Variants in MOB2 observed in about 807,000 individuals in gnomAD.
MOB2 encodes the protein MOB2 Mps One Binder homolog.
Under a neutral mutation model 27.4 loss-of-function variants are expected in MOB2, and 14 were observed. That is an observed-to-expected ratio of 0.51 (90% CI 0.34 to 0.80). MOB2 has a LOEUF of 0.80. Among genes scored for constraint, MOB2 ranks in the 30% least tolerant of loss-of-function variants. The probability of loss-of-function intolerance (pLI) is 0.01; values close to 1 mark genes in which losing one functional copy is unlikely to be tolerated. For synonymous variants in MOB2, 167 were observed against 151.8 expected (o/e 1.10, Z -0.74); for missense variants, 304 against 354.6 (o/e 0.86, Z 1.15).
At chr11:1,483,503 C>A (rs1847938622) in intron 1 of MOB2, among the ~76,000 whole-genome samples, 2 of 152,196 alleles carry the variant, frequency 1.3e-5, no homozygotes, top group South Asian at 4.1e-4. Flanking sequence ...CTGGCAGGCA[C>A]CATGCACTTA....
chr11:1,469,952 G>C lies in MOB2; in HGVS notation c.*220C>G. On this transcript the variant is annotated 3_prime_UTR_variant, in exon 5 of 5. Transcript: ENST00000329957. ...TGCTGAACGAGTGAATGGGCCCAAA[G>C]GCTCTTCTCTACAAACGGCACGCAT... The C allele has an allele frequency of 1.8e-6, 2 of 1,126,442 alleles. No homozygotes were observed. Among genetic ancestry groups the C allele is most frequent in the Non-Finnish European group, 2.6e-6 (2 of 773,860 alleles). The allele number at this position is 1,126,442 out of a possible 1,614,324, so 69.8% of individuals were successfully genotyped here. A position where few individuals can be genotyped will look rare whatever the true frequency, so the allele number is the denominator to read the frequency against.
At chr11:1,473,900 C>T (rs930828225) in intron 3 of MOB2, among the ~76,000 whole-genome samples, 3 of 152,266 alleles carry the variant, frequency 2.0e-5, no homozygotes, top group African/African-American at 7.2e-5. Flanking sequence ...GAAGGAATCG[C>T]ACCGCGCGGA....
At chr11:1,472,466 G>A (rs1847804637) in intron 3 of MOB2, 1 of 152,616 alleles carries the variant, frequency 6.6e-6, no homozygotes, top group Admixed American at 6.5e-5. Context: ...ACTGGCCACT[G>A]AGCAAACGCC....
In MOB2 at chr11:1,480,987, C is replaced by T. The variant is rs150568274; in HGVS notation, c.111-102G>A. On this transcript the variant is annotated intron_variant, in intron 1 of 4. Coordinates refer to ENST00000329957, the MANE Select transcript of MOB2 (RefSeq NM_001172223.3). ...CAGCGCAGGTGTAGAGGGAGCTGCC[C>T]GAGCCCATCGGGGCGACACTGCCTC... The T allele has an allele frequency of 2.6e-4, 370 of 1,419,216 alleles. 1 individual carries two copies. The highest frequency in any genetic ancestry group is 3.3e-4 in the Non-Finnish European group (347 of 1,051,200). 87.9% of individuals were successfully genotyped at this position (1,419,216 alleles called of 1,614,324 possible).
rs1161471878 is a variant in MOB2, at chr11:1,469,920, G to A, written c.*252C>T. ...AGAAAACTCAAAGCATCAGTCCCAT[G>A]CGTGTCTGCTGAACGAGTGAATGGG... is the stretch of plus-strand genomic sequence containing the variant. On this transcript the variant is annotated 3_prime_UTR_variant, in exon 5 of 5. Transcript: ENST00000329957. 1.2e-6 allele frequency: 1 copy of A among 840,848 alleles called. No homozygotes were observed. The highest frequency in any genetic ancestry group is 1.9e-6 in the Non-Finnish European group (1 of 514,258). The allele number at this position is 840,848 out of a possible 1,614,324, so 52.1% of individuals were successfully genotyped here.
In MOB2 at chr11:1,471,272, G is replaced by A. The variant is rs537155500; in HGVS notation, c.490+23C>T. ...TCCCTGCCCCACTGTGAGGATGACC[G>A]CCCAGTGCTGGGGGAGACGAACCGT... On this transcript the variant is annotated intron_variant, in intron 4 of 4. Transcript: ENST00000329957. 4.9e-5 allele frequency: 78 copies of A among 1,602,798 alleles called. 1 individual carries two copies. The South Asian group carries it at 7.5e-4, about 15-fold the overall frequency.
Position 1,471,398 on chromosome 11 carries a change from C to T in MOB2, c.387G>A (p.Glu129=), listed in dbSNP as rs1847788892. 1.2e-6 allele frequency: 2 copies of T among 1,613,122 alleles called. No homozygotes were observed. The highest frequency in any genetic ancestry group is 1.7e-6 in the Non-Finnish European group (2 of 1,179,594). ...VCNTQYYWYD[E]RGKKVKCTAP... ...CCGTGCACTTGACCTTCTTCCCCCGCTCGTCATACCAGTAGTACTGTCTGT... is the reference window on the plus strand; with the variant it reads ...CCGTGCACTTGACCTTCTTCCCCCGTTCGTCATACCAGTAGTACTGTCTGT... The change falls in exon 4 of 5, where the codon GAG becomes GAA. Residue 129 remains glutamate (E), a synonymous_variant. Transcript: ENST00000329957.
intron 3 of MOB2, among the ~76,000 whole-genome samples, chr11:1,478,175 G>A (rs963563441): frequency 1.4e-5 from 2 of 145,174 alleles, no homozygotes; most frequent in Non-Finnish European, 2.9e-5. Context: ...CCCCACAGCC[G>A]CCACAGCCCC....
intron 3 of MOB2, among the ~76,000 whole-genome samples, chr11:1,476,231 A>G (rs1847851199): frequency 6.6e-6 from 1 of 152,248 alleles, no homozygotes; most frequent in African/African-American, 2.4e-5. Context: ...ACTGTAGATA[A>G]GGGGGGCTTA....
chr11:1,470,376 C>A lies in MOB2; in HGVS notation c.603G>T (p.Glu201Asp), dbSNP rs866493922. The A allele has an allele frequency of 3.7e-6, 6 of 1,613,588 alleles. No individual in the cohort carries two copies. In the African/African-American group the frequency reaches 8.0e-5, roughly 22 times the overall value. Residue 201 changes from glutamate to aspartate, a missense_variant, in exon 5 of 5, where the codon GAG becomes GAT. By Grantham distance (45) the Glu-to-Asp change is conservative. Coordinates refer to ENST00000329957, the MANE Select transcript of MOB2 (RefSeq NM_001172223.3). ...WAHFKETLAL[E>D]LHGHLNTLYV... Reference sequence around the variant, plus strand: ...AGAGCGTGTTCAAGTGTCCGTGCAGCTCCAGGGCCAGCGTCTCCTTGAAGT... The same window carrying A: ...AGAGCGTGTTCAAGTGTCCGTGCAGATCCAGGGCCAGCGTCTCCTTGAAGT...
intron 1 of MOB2, among the ~76,000 whole-genome samples, chr11:1,482,461 C>A (rs775173127): frequency 1.1e-4 from 16 of 152,230 alleles, no homozygotes; most frequent in Non-Finnish European, 1.3e-4. Flanking sequence ...GGAGACCTGG[C>A]TTCCCTCTCC....
chr11:1,486,280 G>GC (rs1847968789), intron 1 of MOB2, among the ~76,000 whole-genome samples, 167 bp downstream of exon 1: 1 of 152,232 alleles, frequency 6.6e-6, no homozygotes. Context: ...GCCCTGGACA[G>GC]CTTGCGTGTG....
chr11:1,475,492 G>C (rs1456269586), intron 3 of MOB2, among the ~76,000 whole-genome samples: 2 of 152,194 alleles, frequency 1.3e-5, no homozygotes, highest in South Asian at 2.1e-4. Flanking sequence ...GACTGAGATA[G>C]GGTCTCGCTG....
intron 3 of MOB2, 126 bp from the exon 4 acceptor site, chr11:1,471,545 T>G (rs1590761285): frequency 1.2e-5 from 14 of 1,204,640 alleles, no homozygotes; most frequent in Non-Finnish European, 1.6e-5. Flanking sequence ...CAGACCCAGG[T>G]GTCTCCCTCC....
At chr11:1,471,209 C>T in intron 4 of MOB2, 86 bp downstream of exon 4, 1 of 1,495,372 alleles carries the variant, frequency 6.7e-7, no homozygotes, top group East Asian at 2.4e-5. Context: ...CCCCTCCCGG[C>T]ACAGGAGCTT....
chr11:1,471,007 G>A (rs559965526), intron 4 of MOB2, among the ~76,000 whole-genome samples: 10 of 152,378 alleles, frequency 6.6e-5, no homozygotes, highest in Admixed American at 5.2e-4. Flanking sequence ...CAAGCTGGAC[G>A]GTGAGAGCAG....
chr11:1,471,503 G>T, intron 3 of MOB2, 84 bp from the exon 4 acceptor site: 1 of 1,521,254 alleles, frequency 6.6e-7, no homozygotes, highest in Non-Finnish European at 8.9e-7. Context: ...GGTCATCTGC[G>T]GGCAGAGGTG....
At chr11:1,470,806 C>A (rs201587264) in intron 4 of MOB2, among the ~76,000 whole-genome samples, 1 of 80,976 alleles carries the variant, frequency 1.2e-5, no homozygotes, top group East Asian at 1.4e-3. Flanking sequence ...GGCACTCGGG[C>A]CCCCGTGGTG....
At chr11:1,482,587 G>A (rs955856049) in intron 1 of MOB2, among the ~76,000 whole-genome samples, 11 of 152,314 alleles carry the variant, frequency 7.2e-5, no homozygotes, top group South Asian at 4.1e-4. Flanking sequence ...AGAAAAGTAC[G>A]CACGAGGCCC....
Sources: allele counts gnomAD v4.1 joint callset (sites outside exome capture counted in the v4.1 genomes callset), GRCh38; gene constraint gnomAD v4.1.1; transcripts MANE v1.5; gene names NCBI Gene and HGNC (gene_info 2026-07-23, HGNC 2026-07-21).